ZNF385D: variants seen among roughly 807,000 people sequenced by gnomAD.
The protein encoded by ZNF385D is zinc finger protein 659.
ZNF385D carries 15 observed loss-of-function variants against 35.8 expected under a neutral mutation model. That is an observed-to-expected ratio of 0.42 (90% CI 0.28 to 0.64). ZNF385D has a LOEUF of 0.64. Among genes scored for constraint, ZNF385D ranks in the 30% least tolerant of loss-of-function variants. The pLI, the probability that ZNF385D is intolerant of heterozygous loss-of-function variation, is 0.23. For missense variants in ZNF385D, 474 were observed against 494.6 expected, an observed-to-expected ratio of 0.96 and a Z score of 0.39; for synonymous variants, 212 against 186.8, an observed-to-expected ratio of 1.13 and a Z score of -1.10.
chr3:22,139,179 A>G (rs571329816), intron 3 of ZNF385D, among the ~76,000 whole-genome samples: 6 of 152,230 alleles, frequency 3.9e-5, no homozygotes, highest in African/African-American at 1.4e-4. Context: ...ACTGTAAACT[A>G]GTTCAACCAT....
intron 3 of ZNF385D, among the ~76,000 whole-genome samples, chr3:22,038,582 A>G (rs1292436848): frequency 6.6e-6 from 1 of 152,232 alleles, no homozygotes; most frequent in Admixed American, 6.5e-5. Context: ...TACTAAAAGC[A>G]CAGTTTGAAA....
intron 3 of ZNF385D, among the ~76,000 whole-genome samples, chr3:21,840,844 G>A (rs1695623738): frequency 6.6e-6 from 1 of 151,934 alleles, no homozygotes; most frequent in Non-Finnish European, 1.5e-5. Flanking sequence ...AAAATGCTGA[G>A]AGGAGATCAA....
intron 7 of ZNF385D, 51 bp downstream of exon 7, chr3:21,423,912 C>A (rs776699357): frequency 4.5e-6 from 7 of 1,553,120 alleles, no homozygotes; most frequent in Non-Finnish European, 5.3e-6. Flanking sequence ...ATCAAGAAAC[C>A]AATAATTCCA....
chr3:21,613,899 T>C (rs913751266), intron 2 of ZNF385D, among the ~76,000 whole-genome samples: 4 of 152,174 alleles, frequency 2.6e-5, no homozygotes, highest in African/African-American at 9.7e-5. Context: ...ATGAACAAAT[T>C]GCTATATGAG....
intron 4 of ZNF385D, among the ~76,000 whole-genome samples, chr3:21,468,271 G>A (rs562578134): frequency 9.3e-5 from 14 of 150,944 alleles, no homozygotes; most frequent in Admixed American, 4.0e-4. Flanking sequence ...CTGTGGTGGC[G>A]GGCACCTGTA....
At chr3:22,034,509 T>C (rs13097322) in intron 3 of ZNF385D, among the ~76,000 whole-genome samples, 20,417 of 152,138 alleles carry the variant, frequency 0.13, 1,777 homozygotes, top group South Asian at 0.29. Flanking sequence ...AGAATTTACA[T>C]GGTAAAATTC....
At chr3:21,576,660 A>G (rs190652865) in intron 2 of ZNF385D, among the ~76,000 whole-genome samples, 6 of 152,318 alleles carry the variant, frequency 3.9e-5, no homozygotes, top group Admixed American at 3.9e-4. Context: ...ACCCATGCTC[A>G]TATACCTGGT....
chr3:22,177,629 A>G (rs1031227523), intron 2 of ZNF385D, among the ~76,000 whole-genome samples: 1 of 152,160 alleles, frequency 6.6e-6, no homozygotes, highest in Non-Finnish European at 1.5e-5. Flanking sequence ...TAAGTGCACA[A>G]TGTGCAGGTT....
At chr3:22,019,063 TTTTTA>T in intron 3 of ZNF385D, among the ~76,000 whole-genome samples, 2 of 118,276 alleles carry the variant, frequency 1.7e-5, no homozygotes, top group African/African-American at 5.9e-5. Flanking sequence ...TTTTTTTTTT[TTTTTA>T]TGAAGGAGGC....
rs991220942 is a variant in ZNF385D at position 21,602,952 on chromosome 3, A to T, written c.166-38268T>A. ...TAATCCTAAACCTCCAGATAAAAAG[A>T]TCTGTTTACTGTTTAGACAAAACCC... On this transcript the variant is annotated intron_variant, in intron 2 of 7. Transcript: ENST00000281523. 3.9e-5 allele frequency among the ~76,000 whole-genome samples: 6 copies of T among 152,204 alleles called. No homozygotes were observed. The East Asian group carries it at 1.2e-3, about 29-fold the overall frequency.
intron 6 of ZNF385D, among the ~76,000 whole-genome samples, chr3:21,424,810 C>T (rs1203066510): frequency 6.6e-6 from 1 of 151,526 alleles, no homozygotes; most frequent in Non-Finnish European, 1.5e-5. Context: ...TGTTTATCCT[C>T]ACATTTGTAC....
At chr3:22,314,432 T>C (rs1371712460) in intron 2 of ZNF385D, among the ~76,000 whole-genome samples, 6 of 152,196 alleles carry the variant, frequency 3.9e-5, no homozygotes, top group Admixed American at 2.0e-4. Context: ...CCCATCCAGA[T>C]TGCAGTGAAT....
chr3:22,231,364 G>GA (rs549209727), intron 2 of ZNF385D, among the ~76,000 whole-genome samples: 18 of 149,690 alleles, frequency 1.2e-4, no homozygotes, highest in Admixed American at 2.7e-4. Context: ...GTGAGAGAGA[G>GA]AAAAAAAAAA....
chr3:21,929,530 A>G (rs1270022455), intron 3 of ZNF385D, among the ~76,000 whole-genome samples: 3 of 152,114 alleles, frequency 2.0e-5, no homozygotes, highest in Non-Finnish European at 4.4e-5. Flanking sequence ...TATTTGTTGA[A>G]GAAATAATTA....
At chr3:22,104,200 C>A (rs1702086646) in intron 3 of ZNF385D, among the ~76,000 whole-genome samples, 1 of 152,052 alleles carries the variant, frequency 6.6e-6, no homozygotes, top group Non-Finnish European at 1.5e-5. Context: ...ATGATGGATT[C>A]CAGCAGGTGC....
At chr3:21,926,940 T>C (rs542023431) in intron 3 of ZNF385D, among the ~76,000 whole-genome samples, 7 of 152,186 alleles carry the variant, frequency 4.6e-5, no homozygotes, top group Non-Finnish European at 5.9e-5. Context: ...CAAAGAACTG[T>C]CCTCTCCAAA....
rs576362410 is a variant in ZNF385D at position 22,246,753 on chromosome 3, T to C, written c.107-77718A>G. ...TAGAAAAGATGGAAACCCAAATGAC[T>C]TTCAGAGAAGTTATTTAATTCTGTC... On this transcript the variant is annotated intron_variant, in intron 2 of 5. Coordinates refer to the ZNF385D transcript ENST00000494108. 9.2e-5 allele frequency among the ~76,000 whole-genome samples: 14 copies of C among 152,282 alleles called. No individual in the cohort carries two copies. The East Asian group carries it at 2.3e-3, about 25-fold the overall frequency.
chr3:22,099,547 G>A (rs1200169713), intron 3 of ZNF385D, among the ~76,000 whole-genome samples: 21 of 152,054 alleles, frequency 1.4e-4, no homozygotes, highest in Non-Finnish European at 1.5e-5. Flanking sequence ...GGAAATGTGT[G>A]GCTGAGACAC....
chr3:21,464,049 A>G (rs1177992446), intron 4 of ZNF385D, among the ~76,000 whole-genome samples: 3 of 152,218 alleles, frequency 2.0e-5, no homozygotes, highest in African/African-American at 7.2e-5. Flanking sequence ...TTCTTGGCTT[A>G]ACCAAAGGAA....
Sources: allele counts gnomAD v4.1 joint callset (sites outside exome capture counted in the v4.1 genomes callset), GRCh38; gene constraint gnomAD v4.1.1; transcripts MANE v1.5; gene names NCBI Gene and HGNC (gene_info 2026-07-23, HGNC 2026-07-21).